The following QPCTL variants were observed in gnomAD, a reference collection of about 807,000 sequenced individuals.
QPCTL encodes the protein glutaminyl-peptide cyclotransferase-like protein.
Under a neutral mutation model 34.6 loss-of-function variants are expected in QPCTL, and 31 were observed. The ratio of observed to expected loss-of-function variants is 0.90; its 90% CI spans 0.67 to 1.21. The LOEUF (loss-of-function observed/expected upper bound fraction) is 1.21, where lower values mean the gene tolerates loss of function less well. QPCTL is among the 50% of genes most tolerant of loss of function. QPCTL has a pLI of 0.00. For synonymous variants in QPCTL, 223 were observed against 226.9 expected (o/e 0.98, Z 0.15); for missense variants, 474 against 507.8 (o/e 0.93, Z 0.64).
chr19:45,695,816 C>T, intron 3 of QPCTL, 98 bp downstream of exon 3: 3 of 1,339,466 alleles, frequency 2.2e-6, no homozygotes, highest in Non-Finnish European at 3.0e-6. Flanking sequence ...TCTCGTCTTC[C>T]CACTCTACTC....
Position 45,692,803 on chromosome 19 carries a change from C to G in QPCTL, c.100C>G (p.Arg34Gly). 1 of 1,578,712 alleles carries G rather than the reference C, an allele frequency of 6.3e-7. No individual in the cohort carries two copies. Among genetic ancestry groups the G allele is most frequent in the Non-Finnish European group, 8.6e-7 (1 of 1,162,016 alleles). Residue 34 changes from arginine (R) to glycine (G), a missense_variant, in exon 1 of 7, where the codon CGG becomes GGG. Arg to Gly is a moderately radical substitution (Grantham distance 125). Transcript: ENST00000012049. Reference sequence around the variant, plus strand: ...GAAGCGCCGCCTGCTACCGCGGGTTCGGCTCTTGCCTCTGTTGCTGGCGCT... The same window carrying G: ...GAAGCGCCGCCTGCTACCGCGGGTTGGGCTCTTGCCTCTGTTGCTGGCGCT... ...PPKRRLLPRV[R>G]LLPLLLALAV... is the part of the protein sequence containing the mutation.
At chr19:45,701,974 G>C in intron 6 of QPCTL, 60 bp downstream of exon 6, 1 of 1,386,318 alleles carries the variant, frequency 7.2e-7, no homozygotes, top group Non-Finnish European at 1.0e-6. Context: ...ATTGGAACTG[G>C]CCAAGTCCCC....
At chr19:45,700,957 CAAA>C (rs773396546) in intron 5 of QPCTL, among the ~76,000 whole-genome samples, 4 of 46,754 alleles carry the variant, frequency 8.6e-5, no homozygotes, top group Non-Finnish European at 9.3e-5. Context: ...GACTCTGTCT[CAAA>C]AAAAAAAAAA....
intron 5 of QPCTL, among the ~76,000 whole-genome samples, chr19:45,700,688 T>C (rs537603428): frequency 1.3e-5 from 2 of 152,068 alleles, no homozygotes; most frequent in South Asian, 4.2e-4. Context: ...GGGCCGGGCC[T>C]GGTGGCTCAT....
rs1600337999 is a variant in QPCTL, at chr19:45,694,601, G to C, written c.352-836G>C. 3.3e-5 allele frequency among the ~76,000 whole-genome samples: 5 copies of C among 151,788 alleles called. 1 individual carries two copies. In the South Asian group the frequency reaches 1.0e-3, roughly 32 times the overall value. ...ATCTCATGCTTCAGCCTCCTGAGTA[G>C]CTGGGATTACAGGTGTGCACCACCA... is the stretch of plus-strand genomic sequence containing the variant. On this transcript the variant is annotated intron_variant, in intron 2 of 6. Transcript: ENST00000012049.
chr19:45,695,378 C>A, intron 2 of QPCTL, 59 bp from the exon 3 acceptor site: 11 of 1,501,404 alleles, frequency 7.3e-6, no homozygotes, highest in Non-Finnish European at 1.0e-5. Flanking sequence ...GTCACGTGGC[C>A]CTTCTCCCCA....
At chr19:45,700,188 T>A (rs889346669) in intron 5 of QPCTL, among the ~76,000 whole-genome samples, 1 of 152,034 alleles carries the variant, frequency 6.6e-6, no homozygotes, top group African/African-American at 2.4e-5. Context: ...GGTTCACGCC[T>A]GTAATCCCAA....
intron 3 of QPCTL, among the ~76,000 whole-genome samples, chr19:45,697,705 C>G (rs949744423): frequency 6.6e-6 from 1 of 152,144 alleles, no homozygotes; most frequent in Non-Finnish European, 1.5e-5. Context: ...AACATCCCTT[C>G]CCAAAAGACC....
intron 2 of QPCTL, among the ~76,000 whole-genome samples, chr19:45,694,758 C>T (rs1418471347): frequency 9.9e-5 from 15 of 152,022 alleles, no homozygotes; most frequent in African/African-American, 2.9e-4. Context: ...CGTGAGCCAC[C>T]GCGCCCGGCC....
intron 6 of QPCTL, among the ~76,000 whole-genome samples, chr19:45,702,462 CA>C (rs1250428976): frequency 2.3e-3 from 295 of 129,066 alleles, no homozygotes; most frequent in Middle Eastern, 4.5e-3. Context: ...GATGATATCT[CA>C]AAAAAAAAAA....
intron 5 of QPCTL, among the ~76,000 whole-genome samples, chr19:45,700,093 C>T (rs1967781308): frequency 6.6e-6 from 1 of 151,278 alleles, no homozygotes; most frequent in East Asian, 1.9e-4. Context: ...GAGTGAGACT[C>T]TGTCTCAAAA....
chr19:45,694,679 C>T (rs1052352440), intron 2 of QPCTL, among the ~76,000 whole-genome samples: 1 of 151,820 alleles, frequency 6.6e-6, no homozygotes, highest in Non-Finnish European at 1.5e-5. Flanking sequence ...CCATATTGGC[C>T]AGGCTGGTCT....
intron 5 of QPCTL, among the ~76,000 whole-genome samples, chr19:45,700,698 T>G (rs34505371): frequency 6.6e-6 from 1 of 151,860 alleles, no homozygotes; most frequent in African/African-American, 2.4e-5. Flanking sequence ...TGGTGGCTCA[T>G]GCCTGTAATC....
Position 45,703,223 on chromosome 19 carries a change from C to A in QPCTL, c.*174C>A. 1 of 852,090 alleles carries A rather than the reference C, an allele frequency of 1.2e-6. No homozygotes were observed. The highest frequency in any genetic ancestry group is 1.8e-6 in the Non-Finnish European group (1 of 560,796). The allele number at this position is 852,090 out of a possible 1,614,324, so 52.8% of individuals were successfully genotyped here. A position where few individuals can be genotyped will look rare whatever the true frequency, so the allele number is the denominator to read the frequency against. On this transcript the variant is annotated 3_prime_UTR_variant, in exon 7 of 7. Transcript: ENST00000012049. Reference sequence around the variant, plus strand: ...TTCTTTTGATTGTCTCAAGCTGCCACCCTTCAAGGACAGGGAAGAGACCAC... The same window carrying A: ...TTCTTTTGATTGTCTCAAGCTGCCAACCTTCAAGGACAGGGAAGAGACCAC...
At chr19:45,693,676 C>T (rs1967629869) in intron 2 of QPCTL, 120 bp downstream of exon 2, 3 of 1,372,142 alleles carry the variant, frequency 2.2e-6, no homozygotes, top group Non-Finnish European at 2.9e-6. Context: ...TGGAGTTAAT[C>T]GGACTCTAGA....
In QPCTL at chr19:45,695,646, G is replaced by A. The variant is rs1967677100; in HGVS notation, c.561G>A (p.Ser187=). ...GSTPFVGATD[S]AVPCALLLEL... Reference sequence around the variant, plus strand: ...CCCCCTTTGTAGGGGCCACGGATTCGGCTGTGCCCTGTGCCCTGCTGCTGG... The same window carrying A: ...CCCCCTTTGTAGGGGCCACGGATTCAGCTGTGCCCTGTGCCCTGCTGCTGG... Residue 187 remains serine, a synonymous_variant, in exon 3 of 7, where the codon TCG becomes TCA. Coordinates refer to ENST00000012049, the MANE Select transcript of QPCTL (RefSeq NM_017659.4). 4 of 1,613,912 alleles carry A rather than the reference G, an allele frequency of 2.5e-6. No homozygotes were observed. Among genetic ancestry groups the A allele is most frequent in the South Asian group, 2.2e-5 (2 of 91,082 alleles).
At chr19:45,695,846 A>T (rs1326728768) in intron 3 of QPCTL, 128 bp downstream of exon 3, 12 of 1,035,762 alleles carry the variant, frequency 1.2e-5, no homozygotes, top group Non-Finnish European at 1.5e-5. Flanking sequence ...AGCCACAGGG[A>T]TCTTTTTTTT....
chr19:45,699,029 A>ATT, intron 5 of QPCTL, 129 bp downstream of exon 5: 1 of 508,408 alleles, frequency 2.0e-6, no homozygotes. Context: ...GGGAGACCCC[A>ATT]TCTTTTTTTT....
chr19:45,701,726 C>G, intron 5 of QPCTL, 72 bp from the exon 6 acceptor site: 1 of 1,205,592 alleles, frequency 8.3e-7, no homozygotes, highest in Admixed American at 2.0e-5. Flanking sequence ...CTCTGCCTTC[C>G]TCTGATTTGT....
Sources: gnomAD v4.1 joint callset for allele counts (sites outside exome capture counted in the v4.1 genomes callset) on GRCh38, gnomAD v4.1.1 for gene constraint, MANE v1.5 for transcripts, NCBI Gene and HGNC (gene_info 2026-07-23, HGNC 2026-07-21) for gene names.